The following STARD13 variants were observed in gnomAD, a reference collection of about 807,000 sequenced individuals.
STARD13 encodes stAR-related lipid transfer protein 13.
Under a neutral mutation model 106.4 loss-of-function variants are expected in STARD13, and 62 were observed. The observed-to-expected ratio is 0.58, with a 90% CI of 0.48 to 0.72. The LOEUF (loss-of-function observed/expected upper bound fraction) is 0.72. Ranked by LOEUF, STARD13 falls within the 30% of genes least tolerant of loss-of-function variation. The pLI is 0.00. For missense variants in STARD13, 1,387 were observed against 1,424.0 expected (o/e 0.97, Z 0.42); for synonymous variants, 565 against 553.0 (o/e 1.02, Z -0.31).
the STARD13 span, among the ~76,000 whole-genome samples, chr13:33,546,205 C>T: frequency 6.6e-6 from 1 of 152,018 alleles, no homozygotes; most frequent in East Asian, 1.9e-4. Context: ...GTGGAAGCCT[C>T]CTTTTCTGAT....
the STARD13 span, among the ~76,000 whole-genome samples, chr13:33,499,541 TTCTTC>T: frequency 1.7e-4 from 9 of 53,198 alleles, no homozygotes; most frequent in Admixed American, 1.7e-3. Flanking sequence ...CTTCTTCTTC[TTCTTC>T]TTCTTCTTCT....
At chr13:33,540,175 T>G in the STARD13 span, among the ~76,000 whole-genome samples, 4 of 152,218 alleles carry the variant, frequency 2.6e-5, no homozygotes, top group Admixed American at 2.6e-4. Context: ...TACCCTACCC[T>G]AAATATATTA....
the STARD13 span, among the ~76,000 whole-genome samples, chr13:33,643,222 G>C: frequency 6.6e-6 from 1 of 150,804 alleles, no homozygotes; most frequent in Admixed American, 6.6e-5. Context: ...AGGACTTTTA[G>C]GAAGAGCTTG....
the STARD13 span, among the ~76,000 whole-genome samples, chr13:33,618,545 G>A: frequency 6.7e-6 from 1 of 149,412 alleles, no homozygotes. Flanking sequence ...TTACATCGAT[G>A]GCTTGCTTAC....
At chr13:33,216,495 T>C (rs944181907) in intron 1 of STARD13, among the ~76,000 whole-genome samples, 2 of 152,088 alleles carry the variant, frequency 1.3e-5, no homozygotes, top group Non-Finnish European at 2.9e-5. Context: ...TTCTTACTTA[T>C]AAGTGGGAGC....
intron 1 of STARD13, among the ~76,000 whole-genome samples, chr13:33,243,404 G>A (rs1889642234): frequency 6.6e-6 from 1 of 152,202 alleles, no homozygotes; most frequent in Non-Finnish European, 1.5e-5. Context: ...CAACCTGTGA[G>A]GAGTGTAGCT....
chr13:33,308,744 G>A (rs1164138519), intron 1 of STARD13, among the ~76,000 whole-genome samples: 1 of 151,864 alleles, frequency 6.6e-6, no homozygotes, highest in Non-Finnish European at 1.5e-5. Flanking sequence ...GCCTGGTCTC[G>A]AACTCCTGAC....
the STARD13 span, among the ~76,000 whole-genome samples, chr13:33,634,023 GA>G: frequency 3.3e-5 from 5 of 152,158 alleles, no homozygotes; most frequent in Non-Finnish European, 5.9e-5. Context: ...TTGTCTATCA[GA>G]GGACAAAACT....
At chr13:33,283,612 A>G (rs1033228297) in intron 1 of STARD13, among the ~76,000 whole-genome samples, 1 of 152,180 alleles carries the variant, frequency 6.6e-6, no homozygotes, top group Non-Finnish European at 1.5e-5. Flanking sequence ...GAATCACAAG[A>G]CTGTTGGAAA....
the STARD13 span, among the ~76,000 whole-genome samples, chr13:33,392,378 G>A: frequency 2.6e-5 from 4 of 152,124 alleles, no homozygotes; most frequent in Non-Finnish European, 4.4e-5. Context: ...TATTTGATCC[G>A]ATGAGGTGGA....
At chr13:33,488,526 C>T in the STARD13 span, among the ~76,000 whole-genome samples, 1 of 152,122 alleles carries the variant, frequency 6.6e-6, no homozygotes, top group African/African-American at 2.4e-5. Flanking sequence ...ATCCCAATTG[C>T]CCCTCGAGAA....
At chr13:33,168,276 G>C (rs2138379283) in intron 1 of STARD13, among the ~76,000 whole-genome samples, 1 of 152,218 alleles carries the variant, frequency 6.6e-6, no homozygotes, top group African/African-American at 2.4e-5. Flanking sequence ...TGATTATTTG[G>C]AATTGAGACT....
the STARD13 span, among the ~76,000 whole-genome samples, chr13:33,519,208 T>TTTCTTTCTTTC: frequency 8.9e-5 from 9 of 101,528 alleles, 1 homozygote; most frequent in African/African-American, 4.1e-4. Flanking sequence ...CTTGGTAATT[T>TTTCTTTCTTTC]TTTCTTTCTT....
the STARD13 span, among the ~76,000 whole-genome samples, chr13:33,589,616 A>G: frequency 6.6e-6 from 1 of 152,144 alleles, no homozygotes; most frequent in Non-Finnish European, 1.5e-5. Context: ...GTTTTAAGTG[A>G]GTTTCTTAAT....
chr13:33,423,435 T>C, the STARD13 span, among the ~76,000 whole-genome samples: 1 of 151,732 alleles, frequency 6.6e-6, no homozygotes, highest in Non-Finnish European at 1.5e-5. Flanking sequence ...ATTAAAAAGT[T>C]AGGAAACAGC....
chr13:33,530,708 G>A, the STARD13 span, among the ~76,000 whole-genome samples: 1 of 152,130 alleles, frequency 6.6e-6, no homozygotes, highest in African/African-American at 2.4e-5. Flanking sequence ...ATGTCTGGCT[G>A]TCTTTCTTTT....
the STARD13 span, among the ~76,000 whole-genome samples, chr13:33,506,287 C>T: frequency 6.6e-6 from 1 of 152,098 alleles, no homozygotes; most frequent in Non-Finnish European, 1.5e-5. Context: ...GAATCAGGTA[C>T]TTTTTTTGTG....
At chr13:33,145,516 A>T (rs576308866) in intron 3 of STARD13, among the ~76,000 whole-genome samples, 12 of 144,506 alleles carry the variant, frequency 8.3e-5, no homozygotes, top group Non-Finnish European at 1.4e-4. Context: ...GTCCACAAAA[A>T]GATTTATACT....
At chr13:33,345,265 G>A (rs185626258), downstream of STARD13, among the ~76,000 whole-genome samples, 13 of 152,328 alleles carry the variant, frequency 8.5e-5, no homozygotes, top group East Asian at 2.3e-3. Flanking sequence ...GGGATGATTA[G>A]GGGACAAGCT....
Sources: allele counts gnomAD v4.1 joint callset (sites outside exome capture counted in the v4.1 genomes callset), GRCh38; gene constraint gnomAD v4.1.1; transcripts MANE v1.5; gene names NCBI Gene and HGNC (gene_info 2026-07-23, HGNC 2026-07-21).